RNF121: variants seen among roughly 807,000 people sequenced by gnomAD.
RNF121 encodes the protein E3 ubiquitin ligase RNF121.
A neutral mutation model predicts 46.5 loss-of-function variants in RNF121; 21 were observed. The observed-to-expected ratio is 0.45, with a 90% CI of 0.32 to 0.65. RNF121 has a LOEUF of 0.65. Ranked by LOEUF, RNF121 falls within the 30% of genes least tolerant of loss-of-function variation. RNF121 has a pLI of 0.04. For missense variants in RNF121, 346 were observed against 416.0 expected (o/e 0.83, Z 1.46); for synonymous variants, 139 against 144.7 (o/e 0.96, Z 0.28).
chr11:71,982,795 T>C lies in RNF121; in HGVS notation c.278T>C (p.Leu93Pro). 1 of 1,613,434 alleles carries C rather than the reference T, an allele frequency of 6.2e-7. No individual in the cohort carries two copies. The highest frequency in any genetic ancestry group is 8.5e-7 in the Non-Finnish European group (1 of 1,179,736). Reference sequence around the variant, plus strand: ...CTCTTTCAGATGTGGGTTGTTCCCCTCTATTTCACAGTGAAGCTGCACTGG... The same window carrying C: ...CTCTTTCAGATGTGGGTTGTTCCCCCCTATTTCACAGTGAAGCTGCACTGG... Reference protein sequence around the residue: ...VTLFQMWVVPLYFTVKLHWWR... With the variant: ...VTLFQMWVVPPYFTVKLHWWR... The change falls in exon 4 of 9, where the codon CTC becomes CCC. Residue 93 changes from leucine (L) to proline (P), a missense_variant. Leu to Pro is a moderately conservative substitution (Grantham distance 98). This residue lies in a region of RNF121 where 286 missense variants were observed against 383.8 expected (regional missense o/e 0.75). Coordinates refer to ENST00000361756, the MANE Select transcript of RNF121 (RefSeq NM_018320.5).
chr11:71,957,097 G>A (rs1385626047), intron 1 of RNF121, 130 bp from the exon 2 acceptor site: 1 of 761,194 alleles, frequency 1.3e-6, no homozygotes, highest in Non-Finnish European at 2.4e-6. Flanking sequence ...GGTTGGTAAG[G>A]CTTCATAGAG....
At chr11:71,964,960 C>T (rs1954239602) in intron 3 of RNF121, among the ~76,000 whole-genome samples, 1 of 152,164 alleles carries the variant, frequency 6.6e-6, no homozygotes, top group Non-Finnish European at 1.5e-5. Context: ...GAGGATGAAG[C>T]AGACCTGCCT....
chr11:71,969,947 T>G (rs1954382837), intron 3 of RNF121, among the ~76,000 whole-genome samples: 1 of 152,184 alleles, frequency 6.6e-6, no homozygotes, highest in Non-Finnish European at 1.5e-5. Context: ...GACTGCAGGA[T>G]AGGATAGAGA....
Position 71,929,121 on chromosome 11 carries a change from T to A in RNF121, c.60T>A (p.Asp20Glu), listed in dbSNP as rs78057754. ...GGGAAGEREL[D>E]EVDMSDLSPE... is the part of the protein sequence containing the mutation. ...GTGCTGCTGGGGAACGGGAGCTGGA[T>A]GAGGTAAGCGGAGTTGAGAGACGAG... is the stretch of plus-strand genomic sequence containing the variant. Residue 20 changes from aspartate to glutamate, a missense_variant, in exon 1 of 9, where the codon GAT (aspartate) becomes GAA (glutamate). Physicochemically the swap from Asp to Glu is conservative, Grantham distance 45 (BLOSUM62 2). Coordinates refer to ENST00000361756, the MANE Select transcript of RNF121 (RefSeq NM_018320.5). 6.4e-7 allele frequency: 1 copy of A among 1,550,424 alleles called. No individual in the cohort carries two copies. The highest frequency in any genetic ancestry group is 1.2e-5 in the South Asian group (1 of 83,966).
chr11:71,974,547 G>T lies in RNF121; in HGVS notation c.244-8214G>T, dbSNP rs543120708. 3.9e-5 allele frequency among the ~76,000 whole-genome samples: 6 copies of T among 152,254 alleles called. No homozygotes were observed. The East Asian group carries it at 1.2e-3, about 29-fold the overall frequency. Reference sequence around the variant, plus strand: ...AAGGTACAGAATCCTGAAGTGATTTGCTGGGAACACATGACCATTAAATTG... The same window carrying T: ...AAGGTACAGAATCCTGAAGTGATTTTCTGGGAACACATGACCATTAAATTG... On this transcript the variant is annotated intron_variant, in intron 3 of 8. Coordinates refer to ENST00000361756, the MANE Select transcript of RNF121 (RefSeq NM_018320.5).
At position 71,929,055 on chromosome 11, in the gene RNF121, C is replaced by G. The variant is rs1289771278; in HGVS notation, c.-7C>G. On this transcript the variant is annotated 5_prime_UTR_variant, in exon 1 of 9. Coordinates refer to ENST00000361756, the MANE Select transcript of RNF121 (RefSeq NM_018320.5). The stretch of plus-strand genomic sequence containing the variant: ...CGGGGACTGCGGTGAGGGGGCGAGC[C>G]GTGAAGATGGCGGCAGTGGTGGAGG... 2 of 1,551,034 alleles carry G rather than the reference C, an allele frequency of 1.3e-6. No homozygotes were observed. Among genetic ancestry groups the G allele is most frequent in the African/African-American group, 2.7e-5 (2 of 73,020 alleles).
intron 1 of RNF121, among the ~76,000 whole-genome samples, chr11:71,938,097 CAG>C (rs796528429): frequency 1.5e-4 from 23 of 152,288 alleles, no homozygotes; most frequent in African/African-American, 5.3e-4. Flanking sequence ...CCTCCTTTCA[CAG>C]AGTGTTATCA....
At chr11:71,960,689 C>T in intron 2 of RNF121, 61 bp from the exon 3 acceptor site, 1 of 1,568,370 alleles carries the variant, frequency 6.4e-7, no homozygotes, top group Non-Finnish European at 8.7e-7. Context: ...CCCTGGAAAG[C>T]ACTGTCCCTT....
intron 3 of RNF121, among the ~76,000 whole-genome samples, chr11:71,965,254 ATTT>A (rs10707525): frequency 2.1e-4 from 29 of 141,460 alleles, no homozygotes; most frequent in Non-Finnish European, 2.3e-4. Context: ...CTGCATAGTA[ATTT>A]TTTTTTTTTT....
chr11:71,963,675 G>C (rs996609615), intron 3 of RNF121, among the ~76,000 whole-genome samples: 4 of 152,080 alleles, frequency 2.6e-5, no homozygotes, highest in African/African-American at 9.7e-5. Flanking sequence ...GGTCCATTTT[G>C]AGTTTTTGTA....
rs371989729 is a variant in RNF121 at position 71,994,846 on chromosome 11, A to G, written c.755A>G (p.Asn252Ser). ...IIENTYRLSC[N>S]HVFHEFCIRG... Reference sequence around the variant, plus strand: ...GAGAACACGTATAGGCTGTCCTGCAATCATGTGTATCCTGCCTCGAGCTCC... The same window carrying G: ...GAGAACACGTATAGGCTGTCCTGCAGTCATGTGTATCCTGCCTCGAGCTCC... Residue 252 changes from asparagine to serine, a missense_variant, in exon 7 of 9, where the codon AAT becomes AGT. Around this residue, in one of 2 missense-constraint regions of RNF121, gnomAD observed 286 missense variants for 383.8 expected, o/e 0.75. Transcript: ENST00000361756. 5.0e-6 allele frequency: 8 copies of G among 1,614,156 alleles called. No homozygotes were observed. Among genetic ancestry groups the G allele is most frequent in the South Asian group, 2.2e-5 (2 of 91,076 alleles).
Position 71,950,863 on chromosome 11 carries a change from A to G in RNF121, c.64-6364A>G, listed in dbSNP as rs192047866. 1.2e-4 allele frequency among the ~76,000 whole-genome samples: 18 copies of G among 152,268 alleles called. No individual in the cohort carries two copies. In the East Asian group the frequency reaches 3.3e-3, roughly 28 times the overall value. ...TAGCAGTTTTGAAGGCCAGAGTATT[A>G]TAGCTCACTCCAGAACTTTGGAGTT... On this transcript the variant is annotated intron_variant, in intron 1 of 8. Coordinates refer to ENST00000361756, the MANE Select transcript of RNF121 (RefSeq NM_018320.5).
intron 7 of RNF121, among the ~76,000 whole-genome samples, 190 bp downstream of exon 7, chr11:71,995,042 C>G: frequency 6.6e-6 from 1 of 152,222 alleles, no homozygotes; most frequent in Admixed American, 6.5e-5. Context: ...GTGGTTACAA[C>G]CTGGCTGGGT....
chr11:71,974,239 C>A (rs1038937311), intron 3 of RNF121, among the ~76,000 whole-genome samples: 2 of 152,208 alleles, frequency 1.3e-5, no homozygotes, highest in African/African-American at 2.4e-5. Flanking sequence ...CCACGCCCAG[C>A]CAAGCCCTGT....
chr11:71,988,591 G>A (rs1428164868), intron 5 of RNF121, among the ~76,000 whole-genome samples: 1 of 150,808 alleles, frequency 6.6e-6, no homozygotes, highest in Non-Finnish European at 1.5e-5. Context: ...ACTGCTTGAG[G>A]CCAGGAGTTC....
At chr11:71,993,781 C>T (rs559479336) in intron 6 of RNF121, among the ~76,000 whole-genome samples, 2 of 150,220 alleles carry the variant, frequency 1.3e-5, no homozygotes, top group South Asian at 4.2e-4. Context: ...TCTTTGCTTT[C>T]TTAATTATGA....
chr11:71,958,935 C>G (rs1036275339), intron 2 of RNF121, among the ~76,000 whole-genome samples: 1 of 152,182 alleles, frequency 6.6e-6, no homozygotes, highest in Non-Finnish European at 1.5e-5. Context: ...TGTCTGAGAA[C>G]AAGAAACTTA....
chr11:71,959,637 CTTTT>C (rs893968966), intron 2 of RNF121, among the ~76,000 whole-genome samples: 3 of 138,236 alleles, frequency 2.2e-5, no homozygotes, highest in African/African-American at 2.7e-5. Context: ...CTCTCTTCTT[CTTTT>C]TTTTTTTTTT....
chr11:71,988,093 G>T (rs1333531422), intron 5 of RNF121, among the ~76,000 whole-genome samples: 1 of 152,230 alleles, frequency 6.6e-6, no homozygotes, highest in Non-Finnish European at 1.5e-5. Flanking sequence ...CACTTAGGTT[G>T]TTTTCAATTT....
Sources: allele counts gnomAD v4.1 joint callset (sites outside exome capture counted in the v4.1 genomes callset), GRCh38; gene constraint gnomAD v4.1.1; regional missense constraint gnomAD v4.1.1; transcripts MANE v1.5; gene names NCBI Gene and HGNC (gene_info 2026-07-23, HGNC 2026-07-21).